The following CACNA1C variants were observed in gnomAD, a reference collection of about 807,000 sequenced individuals.
The protein encoded by CACNA1C is voltage-dependent L-type calcium channel subunit alpha-1C.
A neutral mutation model predicts 229.0 loss-of-function variants in CACNA1C; 30 were observed. The observed-to-expected ratio is 0.13, with a 90% confidence interval of 0.10 to 0.18. The LOEUF (loss-of-function observed/expected upper bound fraction) is 0.18. CACNA1C is among the 10% of genes least tolerant of loss of function. The pLI, the probability that CACNA1C is intolerant of heterozygous loss-of-function variation, is 1.00. For missense variants in CACNA1C, 1,658 were observed against 2,845.0 expected (o/e 0.58, Z 9.49); for synonymous variants, 1,114 against 1,132.5 (o/e 0.98, Z 0.33).
chr12:2,655,721 A>ATAGTATT (rs1213433537), intron 34 of CACNA1C, among the ~76,000 whole-genome samples: 1 of 152,188 alleles, frequency 6.6e-6, no homozygotes, highest in Non-Finnish European at 1.5e-5. Flanking sequence ...AGCAAACTGA[A>ATAGTATT]TCCAATAGTA....
chr12:2,494,364 AGAAAAT>A (rs1386194660), intron 7 of CACNA1C, among the ~76,000 whole-genome samples: 2 of 152,264 alleles, frequency 1.3e-5, no homozygotes, highest in Admixed American at 6.5e-5. Flanking sequence ...GAAAAACTCC[AGAAAAT>A]TTATTCTTCA....
intron 29 of CACNA1C, chr12:2,613,423 A>G (rs1455112254): frequency 3.9e-5 from 6 of 152,160 alleles, no homozygotes; most frequent in Non-Finnish European, 7.3e-5. Context: ...TCCCATGTCA[A>G]GTGTTCTGCG....
In CACNA1C at chr12:2,689,229, C is replaced by T. The variant is rs2097686391; in HGVS notation, c.6117+450C>T. On this transcript the variant is annotated intron_variant, in intron 46 of 46. Transcript: ENST00000399655. The surrounding 1 kb of genome is among the most constrained non-coding windows in gnomAD (Gnocchi z 4.2). The stretch of plus-strand genomic sequence containing the variant: ...AAGGTTGAGAGCCACTAGCCTAGAA[C>T]AAGCGAGCTTTCAGTCCCACTGTGC... Among the ~76,000 whole-genome samples the T allele has an allele frequency of 2.0e-5, 3 of 152,146 alleles. No homozygotes were observed. The highest frequency in any genetic ancestry group is 2.0e-4 in the Admixed American group (3 of 15,282).
At chr12:2,171,366 C>T (rs1412233935) in intron 3 of CACNA1C, among the ~76,000 whole-genome samples, 2 of 152,078 alleles carry the variant, frequency 1.3e-5, no homozygotes, top group Non-Finnish European at 2.9e-5. Flanking sequence ...TGGGGTGGAT[C>T]ACACGCCATC....
chr12:2,431,272 G>T (rs2099081895), intron 3 of CACNA1C, among the ~76,000 whole-genome samples: 1 of 152,196 alleles, frequency 6.6e-6, no homozygotes, highest in Non-Finnish European at 1.5e-5. Flanking sequence ...GTAGGTAGTT[G>T]TAGGAGAACC....
chr12:2,682,422 G>A, intron 42 of CACNA1C, 128 bp from the exon 43 acceptor site: 27 of 1,086,706 alleles, frequency 2.5e-5, no homozygotes, highest in South Asian at 9.1e-5. Flanking sequence ...GCCTGTTCAC[G>A]TGTGTGTGCT....
chr12:2,427,867 A>G (rs1441830462), intron 3 of CACNA1C, among the ~76,000 whole-genome samples: 2 of 152,078 alleles, frequency 1.3e-5, no homozygotes, highest in Non-Finnish European at 2.9e-5. Flanking sequence ...TGATCTGCCC[A>G]TCTCGGCCTC....
chr12:2,207,468 A>G (rs2097784727), intron 3 of CACNA1C, among the ~76,000 whole-genome samples: 1 of 152,158 alleles, frequency 6.6e-6, no homozygotes, highest in African/African-American at 2.4e-5. Flanking sequence ...ATTTTAGGAA[A>G]TTGGCTTTGA....
Position 2,647,947 on chromosome 12 carries a change from G to C in CACNA1C, c.3913-528G>C, listed in dbSNP as rs141240869. ...GTTTGAGACCAGCCTGGGCAGTATAGTGAGACCCTGTCTCTAAAAAAATTA... is the reference window on the plus strand; with the variant it reads ...GTTTGAGACCAGCCTGGGCAGTATACTGAGACCCTGTCTCTAAAAAAATTA... On this transcript the variant is annotated intron_variant, in intron 30 of 46. Coordinates refer to ENST00000399655, the MANE Select transcript of CACNA1C (RefSeq NM_000719.7). The surrounding 1 kb of genome is among the most constrained non-coding windows in gnomAD (Gnocchi z 4.2). Among the ~76,000 whole-genome samples the C allele has an allele frequency of 6.6e-6, 1 of 152,162 alleles. No individual in the cohort carries two copies. Among genetic ancestry groups the C allele is most frequent in the South Asian group, 2.1e-4 (1 of 4,834 alleles).
At chr12:2,501,067 G>A (rs1297675993) in intron 7 of CACNA1C, among the ~76,000 whole-genome samples, 1 of 151,376 alleles carries the variant, frequency 6.6e-6, no homozygotes, top group East Asian at 1.9e-4. Context: ...AAATTAGCCA[G>A]GTGTGGTGGC....
intron 3 of CACNA1C, among the ~76,000 whole-genome samples, chr12:2,434,073 G>A (rs1046174620): frequency 6.6e-6 from 1 of 152,154 alleles, no homozygotes; most frequent in Admixed American, 6.5e-5. Flanking sequence ...ATGGTCCCGG[G>A]GGATGCTGCA....
At chr12:2,095,586 G>A (rs1432219999) in intron 1 of CACNA1C, among the ~76,000 whole-genome samples, 2 of 152,228 alleles carry the variant, frequency 1.3e-5, no homozygotes, top group Non-Finnish European at 2.9e-5. Flanking sequence ...CTCGGCCCGA[G>A]TCAGGCCATC....
chr12:2,289,036 C>T (rs916931021), intron 3 of CACNA1C: 25 of 152,230 alleles, frequency 1.6e-4, no homozygotes, highest in African/African-American at 6.0e-4. Flanking sequence ...AGAACTAGGG[C>T]TTCATTGAAA....
intron 3 of CACNA1C, among the ~76,000 whole-genome samples, chr12:2,250,872 G>T (rs902982325): frequency 1.3e-5 from 2 of 152,164 alleles, no homozygotes; most frequent in Non-Finnish European, 2.9e-5. Flanking sequence ...CTTCAGCCTT[G>T]AAGCTGTCCT....
chr12:2,500,127 C>T (rs963869518), intron 7 of CACNA1C, among the ~76,000 whole-genome samples: 5 of 151,854 alleles, frequency 3.3e-5, no homozygotes, highest in Non-Finnish European at 7.3e-5. Flanking sequence ...TCTCATCTGT[C>T]CTCCTGCTTC....
intron 5 of CACNA1C, among the ~76,000 whole-genome samples, chr12:2,477,161 G>A (rs1052049728): frequency 2.0e-5 from 3 of 152,210 alleles, no homozygotes; most frequent in Non-Finnish European, 4.4e-5. Flanking sequence ...CCAGCTTCTA[G>A]CCAGTGCAAC....
At chr12:2,167,682 G>A (rs12320944) in intron 3 of CACNA1C, among the ~76,000 whole-genome samples, 4,520 of 152,276 alleles carry the variant, frequency 0.03, 211 homozygotes, top group African/African-American at 0.1. Flanking sequence ...AGAATTTGGA[G>A]CATCCCTTCT....
chr12:2,266,064 G>A (rs940055709), intron 3 of CACNA1C, among the ~76,000 whole-genome samples: 3 of 152,214 alleles, frequency 2.0e-5, no homozygotes, highest in Non-Finnish European at 4.4e-5. Context: ...ATTCTATTCT[G>A]CTATCAAAGA....
chr12:2,370,032 C>T (rs1160289207), intron 3 of CACNA1C, among the ~76,000 whole-genome samples: 1 of 152,160 alleles, frequency 6.6e-6, no homozygotes, highest in South Asian at 2.1e-4. Flanking sequence ...ATTAAAGAAA[C>T]ACATCCCCAT....
Sources: allele counts gnomAD v4.1 joint callset (sites outside exome capture counted in the v4.1 genomes callset), GRCh38; gene constraint gnomAD v4.1.1; non-coding constraint Gnocchi (gnomAD v3.1); transcripts MANE v1.5; gene names NCBI Gene and HGNC (gene_info 2026-07-23, HGNC 2026-07-21).